The following COL25A1 variants were observed in gnomAD, a reference collection of about 807,000 sequenced individuals.
COL25A1 encodes the protein collagen alpha-1(XXV) chain.
In COL25A1, 103 loss-of-function variants were observed where a neutral mutation model predicts 128.4. The observed-to-expected ratio is 0.80, with a 90% CI of 0.68 to 0.94. COL25A1 has a LOEUF of 0.94. Among genes scored for constraint, COL25A1 ranks in the 40% least tolerant of loss-of-function variants. The pLI is 0.00. For missense variants in COL25A1, 745 were observed against 840.0 expected (o/e 0.89, Z 1.40); for synonymous variants, 279 against 277.2 (o/e 1.01, Z -0.06).
chr4:109,253,323 C>T (rs1780789994), intron 3 of COL25A1, among the ~76,000 whole-genome samples: 1 of 152,138 alleles, frequency 6.6e-6, no homozygotes, highest in African/African-American at 2.4e-5. Flanking sequence ...AGTATAATTC[C>T]AACCTGAGTC....
intron 3 of COL25A1, among the ~76,000 whole-genome samples, chr4:109,171,399 A>G (rs551129977): frequency 3.9e-5 from 6 of 152,202 alleles, no homozygotes; most frequent in Non-Finnish European, 8.8e-5. Context: ...TAATTAGGTC[A>G]TGAGGGTGGA....
chr4:109,038,972 CCTCA>C (rs774101881), intron 5 of COL25A1, among the ~76,000 whole-genome samples: 19 of 152,166 alleles, frequency 1.2e-4, no homozygotes, highest in African/African-American at 4.3e-4. Context: ...ATCTCAGTGG[CCTCA>C]CTATGATTCG....
At chr4:109,292,987 T>C (rs1227353296) in intron 3 of COL25A1, among the ~76,000 whole-genome samples, 1 of 152,022 alleles carries the variant, frequency 6.6e-6, no homozygotes, top group East Asian at 1.9e-4. Context: ...TGGAAATCAC[T>C]TTCATCTTAT....
At chr4:109,029,847 A>G (rs1408153345) in intron 5 of COL25A1, among the ~76,000 whole-genome samples, 1 of 152,166 alleles carries the variant, frequency 6.6e-6, no homozygotes, top group Non-Finnish European at 1.5e-5. Flanking sequence ...TAATTTCCTT[A>G]TAATTCTTAG....
intron 3 of COL25A1, among the ~76,000 whole-genome samples, chr4:109,235,759 T>C (rs1257738395): frequency 1.3e-5 from 2 of 152,136 alleles, no homozygotes; most frequent in South Asian, 4.1e-4. Context: ...TCTATAGGCA[T>C]AGATTGTACA....
intron 3 of COL25A1, among the ~76,000 whole-genome samples, chr4:109,174,028 A>AT (rs1773835705): frequency 6.6e-6 from 1 of 152,146 alleles, no homozygotes; most frequent in African/African-American, 2.4e-5. Flanking sequence ...ATATGTCTAT[A>AT]TTTTTTAATT....
At chr4:108,945,804 A>G (rs1311795101) in intron 8 of COL25A1, among the ~76,000 whole-genome samples, 1 of 152,076 alleles carries the variant, frequency 6.6e-6, no homozygotes, top group African/African-American at 2.4e-5. Flanking sequence ...GGCTGGGACT[A>G]CAGGCATGCA....
At chr4:108,933,212 T>C (rs1300266920) in intron 11 of COL25A1, among the ~76,000 whole-genome samples, 1 of 152,200 alleles carries the variant, frequency 6.6e-6, no homozygotes, top group African/African-American at 2.4e-5. Context: ...TTTTAGATTG[T>C]TTCTAGCTTC....
intron 3 of COL25A1, among the ~76,000 whole-genome samples, chr4:109,294,421 A>T (rs750782274): frequency 2.6e-5 from 4 of 152,140 alleles, no homozygotes; most frequent in Non-Finnish European, 5.9e-5. Flanking sequence ...TTTTAAAATA[A>T]TATTTCTTAA....
At chr4:108,820,387 T>C (rs1731655526) in intron 35 of COL25A1, among the ~76,000 whole-genome samples, 1 of 152,244 alleles carries the variant, frequency 6.6e-6, no homozygotes, top group Non-Finnish European at 1.5e-5. Context: ...TCTATTTCTT[T>C]GAAATGTATC....
At chr4:108,877,883 A>C (rs1022417041) in intron 19 of COL25A1, among the ~76,000 whole-genome samples, 5 of 152,240 alleles carry the variant, frequency 3.3e-5, no homozygotes, top group African/African-American at 1.2e-4. Flanking sequence ...CATATGTAAT[A>C]CATAGCAAGA....
At chr4:108,983,826 AG>A (rs1753318122) in intron 6 of COL25A1, among the ~76,000 whole-genome samples, 1 of 152,010 alleles carries the variant, frequency 6.6e-6, no homozygotes, top group South Asian at 2.1e-4. Context: ...CTTCGCAGTG[AG>A]TGTTGCAGCT....
At chr4:109,120,342 CT>C (rs989826595) in intron 3 of COL25A1, among the ~76,000 whole-genome samples, 8 of 151,616 alleles carry the variant, frequency 5.3e-5, no homozygotes, top group Non-Finnish European at 8.8e-5. Context: ...AAAACTGCCT[CT>C]TTTTTTGTAG....
intron 3 of COL25A1, among the ~76,000 whole-genome samples, chr4:109,123,782 G>A (rs897196405): frequency 6.6e-6 from 1 of 151,998 alleles, no homozygotes; most frequent in Admixed American, 6.6e-5. Context: ...TGTTGCTGTT[G>A]GACATAGGCC....
chr4:109,045,530 T>G (rs1351208839), intron 5 of COL25A1, among the ~76,000 whole-genome samples: 2 of 152,146 alleles, frequency 1.3e-5, no homozygotes, highest in Non-Finnish European at 2.9e-5. Flanking sequence ...AGCCACCTAC[T>G]CTAAAGCAAA....
rs3108947 is a variant in COL25A1, at chr4:109,114,578, C to T, written c.368-64399G>A. Among the ~76,000 whole-genome samples the T allele has an allele frequency of 7.0e-4, 107 of 152,080 alleles. 1 individual carries two copies. The highest frequency in any genetic ancestry group is 2.4e-3 in the African/African-American group (98 of 41,498). On this transcript the variant is annotated intron_variant, in intron 3 of 37. Transcript: ENST00000399132. The stretch of plus-strand genomic sequence containing the variant: ...GAGCTGCATGTGAAAGTCATGAAGA[C>T]GTAAGAAAGCCCTGTGCATCCTGGG...
intron 3 of COL25A1, among the ~76,000 whole-genome samples, chr4:109,129,979 T>A (rs1169686063): frequency 6.7e-6 from 1 of 149,328 alleles, no homozygotes; most frequent in Non-Finnish European, 1.5e-5. Context: ...TGTGCACATG[T>A]ACCCTAAAAC....
chr4:108,809,634 T>G lies in COL25A1; in HGVS notation c.*4293A>C, dbSNP rs1263632709. 6.6e-6 allele frequency: 1 copy of G among 152,040 alleles called. No homozygotes were observed. Among genetic ancestry groups the G allele is most frequent in the African/African-American group, 2.4e-5 (1 of 41,438 alleles). The allele number at this position is 152,040 out of a possible 1,614,324, so 9.4% of individuals were successfully genotyped here. ...GAAATGAAAAAAGTCATTAAAGTGTTTATTAGTACGGGGTTAGCAAAAACC... is the reference window on the plus strand; with the variant it reads ...GAAATGAAAAAAGTCATTAAAGTGTGTATTAGTACGGGGTTAGCAAAAACC... On this transcript the variant is annotated 3_prime_UTR_variant, in exon 38 of 38. Transcript: ENST00000399132.
In COL25A1 at chr4:108,810,149, G is replaced by A. The variant is rs930458545; in HGVS notation, c.*3778C>T. The A allele has an allele frequency of 3.3e-5, 5 of 151,278 alleles. No individual in the cohort carries two copies. The highest frequency in any genetic ancestry group is 7.4e-5 in the Non-Finnish European group (5 of 67,680). The allele number at this position is 151,278 out of a possible 1,614,324, so 9.4% of individuals were successfully genotyped here. On this transcript the variant is annotated 3_prime_UTR_variant, in exon 38 of 38. Coordinates refer to ENST00000399132, the MANE Select transcript of COL25A1 (RefSeq NM_198721.4). ...GACAATATATAGTGGGGAAAGAAAG[G>A]ATAACAAATGATGTTAACTTTTCAT...
Sources: gnomAD v4.1 joint callset for allele counts (sites outside exome capture counted in the v4.1 genomes callset) on GRCh38, gnomAD v4.1.1 for gene constraint, MANE v1.5 for transcripts, NCBI Gene and HGNC (gene_info 2026-07-23, HGNC 2026-07-21) for gene names.